The following FYB2 variants were observed in gnomAD, a reference collection of about 807,000 sequenced individuals.
FYB2 encodes FYN-binding protein 2.
FYB2 carries 103 observed loss-of-function variants against 94.1 expected under a neutral mutation model. That is an observed-to-expected ratio of 1.09 (90% confidence interval 0.93 to 1.29). FYB2 has a LOEUF of 1.29. Among genes scored for constraint, FYB2 ranks in the 50% most tolerant of loss-of-function variants. The pLI is 0.00. For synonymous variants in FYB2, 293 were observed against 287.9 expected, an observed-to-expected ratio of 1.02 and a Z score of -0.18; for missense variants, 896 against 841.5, an observed-to-expected ratio of 1.06 and a Z score of -0.80.
At chr1:56,742,552 A>G (rs1180619332) in intron 11 of FYB2, among the ~76,000 whole-genome samples, 4 of 152,132 alleles carry the variant, frequency 2.6e-5, no homozygotes, top group African/African-American at 7.2e-5. Flanking sequence ...ATCAGAATTT[A>G]CTAAGCATCA....
chr1:56,789,224 C>T, intron 2 of FYB2, 90 bp from the exon 3 acceptor site: 1 of 1,392,718 alleles, frequency 7.2e-7, no homozygotes, highest in Admixed American at 2.6e-5. Context: ...CCATCTAAGT[C>T]CCGTCCAATC....
In FYB2 at chr1:56,720,342, A is replaced by G; in HGVS notation, c.1975-13T>C. On this transcript the variant is annotated splice_polypyrimidine_tract_variant and intron_variant, in intron 17 of 19. Coordinates refer to ENST00000343433, the MANE Select transcript of FYB2 (RefSeq NM_001004303.5). ...TCTCTTTGTCGTACTGAAATGAGAAATTACTAATCAGACCATTCTTGCATA... is the reference window on the plus strand; with the variant it reads ...TCTCTTTGTCGTACTGAAATGAGAAGTTACTAATCAGACCATTCTTGCATA... 1 of 1,588,486 alleles carries G rather than the reference A, an allele frequency of 6.3e-7. No homozygotes were observed. Among genetic ancestry groups the G allele is most frequent in the Non-Finnish European group, 8.5e-7 (1 of 1,169,954 alleles).
intron 5 of FYB2, chr1:56,762,118 T>G (rs1041173146): frequency 1.1e-4 from 16 of 152,230 alleles, no homozygotes; most frequent in African/African-American, 3.9e-4. Context: ...CAATACCAGA[T>G]AGTCTTGATT....
intron 4 of FYB2, among the ~76,000 whole-genome samples, chr1:56,784,923 A>G (rs981132115): frequency 1.3e-5 from 2 of 152,226 alleles, no homozygotes; most frequent in Admixed American, 1.3e-4. Context: ...TGCAGGATAC[A>G]GGCCCAGTTC....
In FYB2 at chr1:56,805,857, T is replaced by A. The variant is rs12036360; in HGVS notation, c.10-13054A>T. On this transcript the variant is annotated intron_variant, in intron 1 of 19. Transcript: ENST00000343433. ...ACTTGCTCCTCCTTGCCTTCTGCCA[T>A]GATTGTGAGGCCTCCCCAGCCATAT... Among the ~76,000 whole-genome samples the A allele has an allele frequency of 2.4e-3, 361 of 152,304 alleles. 2 individuals are homozygous for A. The highest frequency in any genetic ancestry group is 0.018 in the East Asian group (93 of 5,170).
intron 4 of FYB2, among the ~76,000 whole-genome samples, chr1:56,771,889 G>A (rs1440745729): frequency 2.0e-5 from 3 of 151,470 alleles, no homozygotes; most frequent in South Asian, 2.1e-4. Flanking sequence ...TTTTCTCTCC[G>A]TTGACTATTT....
At chr1:56,809,817 C>T (rs1247910152) in intron 1 of FYB2, among the ~76,000 whole-genome samples, 1 of 152,124 alleles carries the variant, frequency 6.6e-6, no homozygotes, top group South Asian at 2.1e-4. Context: ...GAAATCCTAC[C>T]TCTCCGAATT....
At chr1:56,788,334 T>C (rs1389408280) in intron 3 of FYB2, among the ~76,000 whole-genome samples, 1 of 152,226 alleles carries the variant, frequency 6.6e-6, no homozygotes, top group Non-Finnish European at 1.5e-5. Context: ...AAAGTGTATG[T>C]TCATCTTGTG....
chr1:56,768,232 A>T (rs1420431371), intron 4 of FYB2, among the ~76,000 whole-genome samples: 2 of 152,222 alleles, frequency 1.3e-5, no homozygotes, highest in African/African-American at 2.4e-5. Flanking sequence ...TGAGAACTGC[A>T]GTCAAGGAAC....
intron 15 of FYB2, among the ~76,000 whole-genome samples, chr1:56,730,064 C>G (rs1040225689): frequency 6.6e-6 from 1 of 151,410 alleles, no homozygotes; most frequent in Non-Finnish European, 1.5e-5. Flanking sequence ...GCAATAAATG[C>G]CTACATCAAA....
intron 4 of FYB2, among the ~76,000 whole-genome samples, chr1:56,774,765 G>T (rs1229167157): frequency 6.6e-6 from 1 of 152,002 alleles, no homozygotes; most frequent in African/African-American, 2.4e-5. Context: ...TGAGTCAATG[G>T]ACTGGGAGAG....
At chr1:56,759,735 A>C (rs1645443254) in intron 5 of FYB2, among the ~76,000 whole-genome samples, 1 of 152,166 alleles carries the variant, frequency 6.6e-6, no homozygotes, top group Admixed American at 6.6e-5. Flanking sequence ...ATCTATAAAA[A>C]TTGACCAATT....
At chr1:56,780,811 C>G (rs1645991218) in intron 4 of FYB2, among the ~76,000 whole-genome samples, 1 of 152,082 alleles carries the variant, frequency 6.6e-6, no homozygotes, top group African/African-American at 2.4e-5. Context: ...CAATCAGTGG[C>G]CCTGTTGTGT....
chr1:56,798,451 A>C (rs1239014335), intron 1 of FYB2, among the ~76,000 whole-genome samples: 1 of 152,198 alleles, frequency 6.6e-6, no homozygotes, highest in Non-Finnish European at 1.5e-5. Context: ...GCAAGGAGGA[A>C]GCAGCCAACA....
intron 13 of FYB2, among the ~76,000 whole-genome samples, chr1:56,740,108 ATATAGAAT>A (rs1644917745): frequency 6.6e-6 from 1 of 152,090 alleles, no homozygotes; most frequent in East Asian, 1.9e-4. Flanking sequence ...TGGTACTAGA[ATATAGAAT>A]CCAGGTCCCC....
chr1:56,819,418 G>T, upstream of FYB2: 1 of 1,353,650 alleles, frequency 7.4e-7, no homozygotes, highest in Non-Finnish European at 1.0e-6. Flanking sequence ...ACACACCTGA[G>T]CCCAGGCTCC....
intron 12 of FYB2, among the ~76,000 whole-genome samples, 199 bp downstream of exon 12, chr1:56,741,962 A>T (rs1241993081): frequency 2.0e-5 from 3 of 152,062 alleles, no homozygotes; most frequent in Non-Finnish European, 4.4e-5. Context: ...ACACAATTAC[A>T]AGTATCCTAT....
At chr1:56,759,355 C>T (rs774235415) in intron 5 of FYB2, among the ~76,000 whole-genome samples, 2 of 152,106 alleles carry the variant, frequency 1.3e-5, no homozygotes, top group Admixed American at 6.5e-5. Context: ...CACGTGAATA[C>T]CATAGAACAT....
intron 3 of FYB2, among the ~76,000 whole-genome samples, chr1:56,787,827 CCTT>C (rs1646166838): frequency 6.6e-6 from 1 of 152,198 alleles, no homozygotes; most frequent in African/African-American, 2.4e-5. Flanking sequence ...TGCTGACAAA[CCTT>C]CTTCTCATTC....
Sources: allele counts gnomAD v4.1 joint callset (sites outside exome capture counted in the v4.1 genomes callset), GRCh38; gene constraint gnomAD v4.1.1; transcripts MANE v1.5; gene names NCBI Gene and HGNC (gene_info 2026-07-23, HGNC 2026-07-21).